The following POFUT3 variants were observed in gnomAD, a reference collection of about 807,000 sequenced individuals.
POFUT3 encodes the protein protein O-fucosyltransferase 3, also known as GDP-fucose protein O-fucosyltransferase 3.
the POFUT3 span, among the ~76,000 whole-genome samples, chr8:33,462,172 C>G: frequency 0.19 from 521 of 2,700 alleles, no homozygotes; most frequent in Non-Finnish European, 0.25. Flanking sequence ...GGGAAGGGAC[C>G]AGAGTGGTGA....
the POFUT3 span, among the ~76,000 whole-genome samples, chr8:33,432,164 C>T: frequency 6.6e-6 from 1 of 152,048 alleles, no homozygotes; most frequent in Non-Finnish European, 1.5e-5. Flanking sequence ...AATCCCAGCA[C>T]TTTGGGAGGC....
the POFUT3 span, among the ~76,000 whole-genome samples, chr8:33,400,050 T>C: frequency 1.3e-5 from 2 of 150,776 alleles, no homozygotes; most frequent in South Asian, 2.1e-4. Flanking sequence ...AAAGATTATA[T>C]GGGAAAAGTA....
chr8:33,446,174 T>C, the POFUT3 span, among the ~76,000 whole-genome samples: 1 of 151,970 alleles, frequency 6.6e-6, no homozygotes, highest in African/African-American at 2.4e-5. Flanking sequence ...ATACAACTGG[T>C]GGCCAGGTGC....
the POFUT3 span, among the ~76,000 whole-genome samples, chr8:33,395,270 A>C: frequency 6.6e-6 from 1 of 152,044 alleles, no homozygotes; most frequent in Non-Finnish European, 1.5e-5. Flanking sequence ...CTGCCCCACC[A>C]CCTATCCTGT....
chr8:33,365,282 G>T, the POFUT3 span, among the ~76,000 whole-genome samples: 13 of 152,212 alleles, frequency 8.5e-5, no homozygotes, highest in East Asian at 1.4e-3. Context: ...AGACTTAAAT[G>T]TTAGACCTAA....
At chr8:33,334,704 G>A in the POFUT3 span, among the ~76,000 whole-genome samples, 1 of 152,188 alleles carries the variant, frequency 6.6e-6, no homozygotes, top group Non-Finnish European at 1.5e-5. Flanking sequence ...AAACATAATA[G>A]CAGAGTTAAA....
the POFUT3 span, among the ~76,000 whole-genome samples, chr8:33,351,832 C>T: frequency 6.6e-6 from 1 of 152,032 alleles, no homozygotes; most frequent in Non-Finnish European, 1.5e-5. Context: ...CTGTATATAA[C>T]AGGTAGAAGA....
At chr8:33,376,245 A>C in the POFUT3 span, among the ~76,000 whole-genome samples, 1 of 152,200 alleles carries the variant, frequency 6.6e-6, no homozygotes, top group Non-Finnish European at 1.5e-5. Flanking sequence ...TGGGAAGACA[A>C]TCCATTATGT....
At chr8:33,416,222 T>C in the POFUT3 span, among the ~76,000 whole-genome samples, 2 of 152,228 alleles carry the variant, frequency 1.3e-5, no homozygotes, top group African/African-American at 4.8e-5. Context: ...ATATTTATAA[T>C]AATTAATGCA....
At chr8:33,457,929 T>G in the POFUT3 span, among the ~76,000 whole-genome samples, 1 of 152,168 alleles carries the variant, frequency 6.6e-6, no homozygotes, top group Non-Finnish European at 1.5e-5. Flanking sequence ...AGATTAATAT[T>G]AATTAAATAA....
chr8:33,373,364 T>C, the POFUT3 span, among the ~76,000 whole-genome samples: 3 of 152,220 alleles, frequency 2.0e-5, no homozygotes, highest in Non-Finnish European at 4.4e-5. Flanking sequence ...ATATTACAAC[T>C]AATCCCTGTT....
chr8:33,314,476 C>A, the POFUT3 span, among the ~76,000 whole-genome samples: 1 of 152,172 alleles, frequency 6.6e-6, no homozygotes, highest in Non-Finnish European at 1.5e-5. Flanking sequence ...AAATCATGAG[C>A]AAGTTAACCA....
the POFUT3 span, among the ~76,000 whole-genome samples, chr8:33,359,005 A>T: frequency 4.6e-5 from 7 of 152,270 alleles, no homozygotes; most frequent in Admixed American, 3.3e-4. Flanking sequence ...ATGGAAAATA[A>T]GTTTCTTTTC....
chr8:33,436,336 C>A, the POFUT3 span: 1 of 1,338,158 alleles, frequency 7.5e-7, no homozygotes, highest in Non-Finnish European at 1.1e-6. Context: ...GCATCCTCTG[C>A]CCGCTCCATG....
chr8:33,345,735 A>AAGGAGGTACCAGCATGATGGC, the POFUT3 span, among the ~76,000 whole-genome samples: 7 of 151,972 alleles, frequency 4.6e-5, no homozygotes, highest in African/African-American at 1.7e-4. Flanking sequence ...TGAGTGCCTT[A>AAGGAGGTACCAGCATGATGGC]AGGAGGTACC....
At chr8:33,430,320 T>C in the POFUT3 span, among the ~76,000 whole-genome samples, 2 of 152,176 alleles carry the variant, frequency 1.3e-5, no homozygotes, top group African/African-American at 4.8e-5. Flanking sequence ...TTTTGGTGAC[T>C]TAACCAGGGA....
the POFUT3 span, chr8:33,451,625 TGTGTATAC>T: frequency 2.0e-5 from 3 of 151,994 alleles, no homozygotes; most frequent in Non-Finnish European, 4.4e-5. Flanking sequence ...TGTATATATG[TGTGTATAC>T]GTGTATATGT....
At chr8:33,426,187 G>A in the POFUT3 span, among the ~76,000 whole-genome samples, 2 of 151,944 alleles carry the variant, frequency 1.3e-5, no homozygotes, top group Non-Finnish European at 2.9e-5. Context: ...TTACAGGTGT[G>A]AGCCACCATG....
chr8:33,316,314 A>G, the POFUT3 span, among the ~76,000 whole-genome samples: 1 of 152,136 alleles, frequency 6.6e-6, no homozygotes, highest in Non-Finnish European at 1.5e-5. Context: ...TACCTTGGCA[A>G]GCACAGAGAG....
Sources: gnomAD v4.1 joint callset for allele counts (sites outside exome capture counted in the v4.1 genomes callset) on GRCh38, gnomAD v4.1.1 for gene constraint, MANE v1.5 for transcripts, NCBI Gene and HGNC (gene_info 2026-07-23, HGNC 2026-07-21) for gene names.